TRIM2: variants seen among roughly 807,000 people sequenced by gnomAD.
TRIM2 encodes tripartite motif-containing protein 2.
TRIM2 carries 20 observed loss-of-function variants against 75.2 expected under a neutral mutation model. The ratio of observed to expected loss-of-function variants is 0.27; its 90% CI spans 0.19 to 0.39. TRIM2 has a LOEUF of 0.39. Among genes scored for constraint, TRIM2 ranks in the 10% least tolerant of loss-of-function variants. The probability of loss-of-function intolerance (pLI) is 1.00; values close to 1 mark genes in which losing one functional copy is unlikely to be tolerated. For missense variants in TRIM2, 660 were observed against 990.8 expected (o/e 0.67, Z 4.48); for synonymous variants, 373 against 388.3 (o/e 0.96, Z 0.46).
chr4:153,206,863 A>C (rs1735594387), intron 1 of TRIM2, among the ~76,000 whole-genome samples: 1 of 152,136 alleles, frequency 6.6e-6, no homozygotes, highest in Non-Finnish European at 1.5e-5. Flanking sequence ...CACTTTGTAC[A>C]TTCCAAGGGG....
intron 1 of TRIM2, among the ~76,000 whole-genome samples, chr4:153,172,251 T>A (rs891319769): frequency 1.8e-4 from 27 of 152,164 alleles, no homozygotes; most frequent in Non-Finnish European, 3.5e-4. Flanking sequence ...GCAGTGGTGC[T>A]ATCTTGGCTC....
intron 11 of TRIM2, among the ~76,000 whole-genome samples, chr4:153,329,627 G>C (rs1771002410): frequency 6.6e-6 from 1 of 151,864 alleles, no homozygotes; most frequent in East Asian, 2.0e-4. Context: ...CTTGAGGTCA[G>C]GAGTTCGAGA....
intron 1 of TRIM2, among the ~76,000 whole-genome samples, chr4:153,260,089 A>G (rs980763433): frequency 1.3e-5 from 2 of 152,200 alleles, no homozygotes; most frequent in Non-Finnish European, 2.9e-5. Flanking sequence ...GGAGGTTCCT[A>G]TTATGTAGAG....
chr4:153,247,373 G>A (rs1010395937), intron 1 of TRIM2, among the ~76,000 whole-genome samples: 1 of 152,182 alleles, frequency 6.6e-6, no homozygotes, highest in African/African-American at 2.4e-5. Flanking sequence ...TGTCCAGCCT[G>A]GTGTGATAAA....
chr4:153,152,652 G>GT (rs1728834385), upstream of TRIM2: 1 of 152,010 alleles, frequency 6.6e-6, no homozygotes, highest in African/African-American at 2.4e-5. Flanking sequence ...ACAGACACGA[G>GT]TGTTGGTGCG....
At chr4:153,189,607 AG>A (rs1240370474) in intron 1 of TRIM2, among the ~76,000 whole-genome samples, 1 of 152,102 alleles carries the variant, frequency 6.6e-6, no homozygotes, top group Non-Finnish European at 1.5e-5. Flanking sequence ...AGCTCGACTG[AG>A]GGAGGCCCCT....
At chr4:153,245,157 G>A (rs1340189935) in intron 1 of TRIM2, among the ~76,000 whole-genome samples, 1 of 152,218 alleles carries the variant, frequency 6.6e-6, no homozygotes, top group Admixed American at 6.5e-5. Context: ...AAAACACAGG[G>A]TGATCATGCG....
At chr4:153,270,171 G>T (rs897304164) in intron 1 of TRIM2, among the ~76,000 whole-genome samples, 164 bp from the exon 2 acceptor site, 1 of 151,898 alleles carries the variant, frequency 6.6e-6, no homozygotes, top group South Asian at 2.1e-4. Flanking sequence ...CTCATGATCC[G>T]CCCACCTCGG....
intron 1 of TRIM2, among the ~76,000 whole-genome samples, chr4:153,244,377 TCTTCTTCTTCTTCTTCTTCTTC>T (rs1560874645): frequency 1.6e-5 from 1 of 63,460 alleles, no homozygotes; most frequent in African/African-American, 1.3e-4. Flanking sequence ...TTCTTCTTCT[TCTTCTTCTTCTTCTTCTTCTTC>T]TTCTTCTTCT....
chr4:153,284,210 G>GA (rs1553990251), intron 3 of TRIM2, among the ~76,000 whole-genome samples: 3 of 141,854 alleles, frequency 2.1e-5, no homozygotes, highest in African/African-American at 7.8e-5. Context: ...TTGTTTTTTG[G>GA]TTTTTTTTTA....
At chr4:153,208,452 TAAAC>T (rs1339288023) in intron 1 of TRIM2, among the ~76,000 whole-genome samples, 6 of 152,036 alleles carry the variant, frequency 3.9e-5, no homozygotes, top group Admixed American at 6.5e-5. Flanking sequence ...TATTATTTAA[TAAAC>T]AATAAATAAA....
At chr4:153,272,946 C>T (rs1375059373) in intron 2 of TRIM2, among the ~76,000 whole-genome samples, 1 of 152,126 alleles carries the variant, frequency 6.6e-6, no homozygotes, top group African/African-American at 2.4e-5. Flanking sequence ...TTAAGTGATT[C>T]TCCTGCCTCA....
At chr4:153,244,930 C>A (rs1240893763) in intron 1 of TRIM2, among the ~76,000 whole-genome samples, 1 of 152,138 alleles carries the variant, frequency 6.6e-6, no homozygotes, top group Non-Finnish European at 1.5e-5. Flanking sequence ...TGGGACTTGG[C>A]CTGTTTCTGG....
intron 1 of TRIM2, among the ~76,000 whole-genome samples, chr4:153,250,171 G>T (rs562900403): frequency 1.3e-5 from 2 of 151,876 alleles, no homozygotes; most frequent in East Asian, 3.9e-4. Flanking sequence ...CCAGACTGGA[G>T]TACAGAGGCC....
chr4:153,184,928 CAG>C, intron 1 of TRIM2, among the ~76,000 whole-genome samples: 1 of 152,242 alleles, frequency 6.6e-6, no homozygotes, highest in South Asian at 2.1e-4. Context: ...GCCTGGGTGA[CAG>C]AGTGAGACTC....
intron 1 of TRIM2, among the ~76,000 whole-genome samples, chr4:153,187,177 AT>A (rs1420719002): frequency 6.6e-6 from 1 of 152,210 alleles, no homozygotes; most frequent in Non-Finnish European, 1.5e-5. Flanking sequence ...CAAATCATGT[AT>A]GTGTAATTAG....
At position 153,336,215 on chromosome 4, in the gene TRIM2, T is replaced by A. The variant is rs1428232781; in HGVS notation, c.*1249T>A. 4.1e-6 allele frequency: 4 copies of A among 985,428 alleles called. No individual in the cohort carries two copies. Among genetic ancestry groups the A allele is most frequent in the Non-Finnish European group, 4.8e-6 (4 of 829,898 alleles). 61.0% of individuals were successfully genotyped at this position (985,428 alleles called of 1,614,324 possible). A position where few individuals can be genotyped will look rare whatever the true frequency, so the allele number is the denominator to read the frequency against. ...AAAGACAGAAGCTTCGTCCAGCCAC[T>A]CTTCAGCACATTCCTTTACTAAGCA... On this transcript the variant is annotated 3_prime_UTR_variant, in exon 12 of 12. Transcript: ENST00000338700.
intron 1 of TRIM2, chr4:153,257,489 G>A (rs1465238167): frequency 1.2e-5 from 15 of 1,274,080 alleles, no homozygotes; most frequent in Non-Finnish European, 1.4e-5. Context: ...CATTCCTGCC[G>A]ACTTCCAGCC....
Position 153,254,008 on chromosome 4 carries a change from G to T in TRIM2, c.31-16327G>T, listed in dbSNP as rs77126687. On this transcript the variant is annotated intron_variant, in intron 1 of 11. Coordinates refer to ENST00000338700, the MANE Select transcript of TRIM2 (RefSeq NM_015271.5). ...TCGCCCTGAATTCCTTCTTGCAGGA[G>T]ATCCAAGAACCCTCTCTTGGGGTCT... 6.4e-3 allele frequency among the ~76,000 whole-genome samples: 978 copies of T among 152,206 alleles called. 11 individuals are homozygous for T. The highest frequency in any genetic ancestry group is 0.022 in the African/African-American group (918 of 41,500).
Sources: gnomAD v4.1 joint callset for allele counts (sites outside exome capture counted in the v4.1 genomes callset) on GRCh38, gnomAD v4.1.1 for gene constraint, MANE v1.5 for transcripts, NCBI Gene and HGNC (gene_info 2026-07-23, HGNC 2026-07-21) for gene names.